The following FMN2 variants were observed in gnomAD, a reference collection of about 807,000 sequenced individuals.
FMN2 encodes formin 2.
In FMN2, 51 loss-of-function variants were observed where a neutral mutation model predicts 142.3. The observed-to-expected ratio is 0.36, with a 90% CI of 0.29 to 0.45. The LOEUF (loss-of-function observed/expected upper bound fraction) is 0.45. Among genes scored for constraint, FMN2 ranks in the 20% least tolerant of loss-of-function variants. The pLI is 1.00. For missense variants in FMN2, 1,936 were observed against 2,122.8 expected (o/e 0.91, Z 1.73); for synonymous variants, 882 against 869.8 (o/e 1.01, Z -0.25).
chr1:240,158,778 ACT>A (rs1393916181), intron 2 of FMN2, among the ~76,000 whole-genome samples: 1 of 152,026 alleles, frequency 6.6e-6, no homozygotes, highest in Non-Finnish European at 1.5e-5. Context: ...TCTCATAAAG[ACT>A]CTAGTTGATA....
At chr1:240,363,691 C>T (rs764299116) in intron 14 of FMN2, among the ~76,000 whole-genome samples, 2 of 151,982 alleles carry the variant, frequency 1.3e-5, no homozygotes, top group Non-Finnish European at 2.9e-5. Context: ...GCCTGTGAAG[C>T]TCTCAAGGTC....
chr1:240,145,422 A>C, intron 2 of FMN2: 1 of 455,992 alleles, frequency 2.2e-6, no homozygotes, highest in Non-Finnish European at 3.9e-6. Context: ...GATACATAGT[A>C]ATATATATAT....
At chr1:240,204,610 G>T (rs890186552) in intron 4 of FMN2, among the ~76,000 whole-genome samples, 1 of 152,174 alleles carries the variant, frequency 6.6e-6, no homozygotes. Flanking sequence ...AATTAGCCGG[G>T]CGTGGTGGCA....
intron 15 of FMN2, among the ~76,000 whole-genome samples, chr1:240,424,817 C>T (rs1307171551): frequency 6.6e-6 from 1 of 152,166 alleles, no homozygotes; most frequent in African/African-American, 2.4e-5. Context: ...TCAAAGTCCA[C>T]AGAAGACATG....
chr1:240,094,467 G>A (rs554559374), intron 1 of FMN2, among the ~76,000 whole-genome samples: 1 of 152,158 alleles, frequency 6.6e-6, no homozygotes, highest in Non-Finnish European at 1.5e-5. Context: ...TAGTCCAACT[G>A]GTACCTCCCC....
chr1:240,162,537 AT>A (rs1048691966), intron 2 of FMN2, among the ~76,000 whole-genome samples: 62 of 152,160 alleles, frequency 4.1e-4, no homozygotes, highest in African/African-American at 1.2e-3. Flanking sequence ...GGTAAATTGC[AT>A]TTTTTTCCTT....
intron 8 of FMN2, among the ~76,000 whole-genome samples, chr1:240,324,444 G>A (rs1671085328): frequency 6.6e-6 from 1 of 152,152 alleles, no homozygotes; most frequent in Admixed American, 6.5e-5. Context: ...GATCACTTGA[G>A]GCTATCGAGA....
In FMN2 at chr1:240,208,542, C is replaced by A; in HGVS notation, c.3730C>A (p.Pro1244Thr). ...PPPLLPVSGP[P>T]LLPQVGSSTL... is the part of the protein sequence containing the mutation. ...CCCTCTGCTTCCTGTATCAGGCCCT[C>A]CACTCCTCCCACAAGTTGGGAGTAG... Residue 1244 changes from proline to threonine, a missense_variant, in exon 5 of 18, where the codon CCA (proline) becomes ACA (threonine). Transcript: ENST00000319653. The A allele has an allele frequency of 6.2e-7, 1 of 1,613,396 alleles. No individual in the cohort carries two copies.
chr1:240,298,956 AT>A lies in FMN2; in HGVS notation c.4215+4085del, dbSNP rs879422123. 3.7e-3 allele frequency among the ~76,000 whole-genome samples: 543 copies of A among 146,644 alleles called. 2 individuals are homozygous for A. The highest frequency in any genetic ancestry group is 7.0e-3 in the Middle Eastern group (2 of 286). Reference sequence around the variant, plus strand: ...TAACTACAAATTCCTTATTAGTTGAATTTTTTTTTTTTGAGGTGGAGTCTCA... The same window carrying A: ...TAACTACAAATTCCTTATTAGTTGAATTTTTTTTTTTGAGGTGGAGTCTCA... On this transcript the variant is annotated intron_variant, in intron 8 of 17. Transcript: ENST00000319653.
chr1:240,187,634 T>G (rs1446859978), intron 3 of FMN2, among the ~76,000 whole-genome samples: 1 of 152,330 alleles, frequency 6.6e-6, no homozygotes, highest in East Asian at 1.9e-4. Context: ...AATCCCTGAC[T>G]TGGTTATGCC....
intron 6 of FMN2, among the ~76,000 whole-genome samples, chr1:240,239,185 C>T (rs555205513): frequency 2.9e-4 from 44 of 152,142 alleles, no homozygotes; most frequent in African/African-American, 1.0e-3. Context: ...AACAGCAAAA[C>T]GCTAATTTGA....
chr1:240,181,596 G>T (rs1031656479), intron 3 of FMN2, among the ~76,000 whole-genome samples: 2 of 152,072 alleles, frequency 1.3e-5, no homozygotes, highest in Non-Finnish European at 2.9e-5. Flanking sequence ...TCTCATCCTG[G>T]CTCCCTCTGC....
chr1:240,203,015 T>G (rs1301392125), intron 4 of FMN2, among the ~76,000 whole-genome samples: 1 of 152,178 alleles, frequency 6.6e-6, no homozygotes, highest in African/African-American at 2.4e-5. Flanking sequence ...GAAATACCTT[T>G]TAATGATTAA....
intron 14 of FMN2, among the ~76,000 whole-genome samples, chr1:240,356,987 T>C (rs2103048276): frequency 6.6e-6 from 1 of 152,308 alleles, no homozygotes; most frequent in Non-Finnish European, 1.5e-5. Flanking sequence ...GAGTGGAAAA[T>C]CTACTCATTG....
intron 8 of FMN2, among the ~76,000 whole-genome samples, chr1:240,306,675 G>A (rs755012589): frequency 9.9e-5 from 15 of 152,112 alleles, no homozygotes; most frequent in Non-Finnish European, 1.5e-4. Context: ...TTTATTCCAC[G>A]TCTTTGCTAT....
chr1:240,310,312 A>T (rs1670559309), intron 8 of FMN2, among the ~76,000 whole-genome samples: 1 of 151,358 alleles, frequency 6.6e-6, no homozygotes, highest in Non-Finnish European at 1.5e-5. Flanking sequence ...GTTTTAAAGT[A>T]ATTCTATTTG....
intron 8 of FMN2, among the ~76,000 whole-genome samples, chr1:240,327,189 A>G (rs147177151): frequency 6.6e-6 from 1 of 152,232 alleles, no homozygotes. Context: ...ATTTGCAGTG[A>G]AATGTACCTC....
At chr1:240,221,742 C>T (rs1044646710) in intron 6 of FMN2, among the ~76,000 whole-genome samples, 3 of 151,802 alleles carry the variant, frequency 2.0e-5, no homozygotes, top group Non-Finnish European at 4.4e-5. Context: ...AATTAGATCC[C>T]GTTTGTCAAT....
rs1674527088 is a variant in FMN2 at position 240,414,913 on chromosome 1, G to A, written c.4910+22351G>A. On this transcript the variant is annotated intron_variant, in intron 15 of 17. Coordinates refer to ENST00000319653, the MANE Select transcript of FMN2 (RefSeq NM_020066.5). The stretch of plus-strand genomic sequence containing the variant: ...GTGGGAAATAGGTCATATATCAGAA[G>A]AACTTGCTTGTCTAGGATAACTTTA... Among the ~76,000 whole-genome samples the A allele has an allele frequency of 2.0e-5, 3 of 152,150 alleles. No homozygotes were observed. In the South Asian group the frequency reaches 6.2e-4, roughly 32 times the overall value.
Sources: allele counts gnomAD v4.1 joint callset (sites outside exome capture counted in the v4.1 genomes callset), GRCh38; gene constraint gnomAD v4.1.1; transcripts MANE v1.5; gene names NCBI Gene and HGNC (gene_info 2026-07-23, HGNC 2026-07-21).